Variants in MACROD2 observed in about 807,000 individuals in gnomAD.
MACROD2 encodes ADP-ribose glycohydrolase MACROD2.
In MACROD2, 36 loss-of-function variants were observed where a neutral mutation model predicts 70.4. That is an observed-to-expected ratio of 0.51 (90% CI 0.39 to 0.68). MACROD2 has a LOEUF of 0.68. MACROD2 is among the 30% of genes least tolerant of loss of function. The probability of loss-of-function intolerance (pLI) is 0.00; values close to 1 mark genes in which losing one functional copy is unlikely to be tolerated. For synonymous variants in MACROD2, 172 were observed against 178.8 expected, an observed-to-expected ratio of 0.96 and a Z score of 0.30; for missense variants, 496 against 538.4, an observed-to-expected ratio of 0.92 and a Z score of 0.78.
chr20:15,958,575 C>T (rs775270196), intron 12 of MACROD2, among the ~76,000 whole-genome samples: 1 of 152,114 alleles, frequency 6.6e-6, no homozygotes, highest in Non-Finnish European at 1.5e-5. Flanking sequence ...TTCTGATGTG[C>T]AGCAGGTATA....
In MACROD2 at chr20:14,011,908, C is replaced by A. The variant is rs144414853; in HGVS notation, c.163+9504C>A. On this transcript the variant is annotated intron_variant, in intron 2 of 17. Transcript: ENST00000684519. Reference sequence around the variant, plus strand: ...ACAGTAGCTTTTTCTACTATTATTGCGACTTTTCTTTTTTTTTAAAGGCAG... The same window carrying A: ...ACAGTAGCTTTTTCTACTATTATTGAGACTTTTCTTTTTTTTTAAAGGCAG... Among the ~76,000 whole-genome samples the A allele has an allele frequency of 3.3e-4, 50 of 151,852 alleles. 1 individual carries two copies. Among genetic ancestry groups the A allele is most frequent in the African/African-American group, 7.5e-4 (31 of 41,422 alleles).
At chr20:14,399,328 T>A (rs963027939) in intron 3 of MACROD2, among the ~76,000 whole-genome samples, 2 of 152,166 alleles carry the variant, frequency 1.3e-5, no homozygotes, top group African/African-American at 4.8e-5. Flanking sequence ...TTATCTTTTT[T>A]AAAAAGACAT....
At chr20:15,564,079 C>T (rs938889606) in intron 8 of MACROD2, among the ~76,000 whole-genome samples, 4 of 152,156 alleles carry the variant, frequency 2.6e-5, no homozygotes, top group Non-Finnish European at 5.9e-5. Context: ...TTAATATCAA[C>T]AGTGTGTGAC....
At chr20:15,082,206 G>A (rs1259104579) in intron 5 of MACROD2, among the ~76,000 whole-genome samples, 1 of 152,118 alleles carries the variant, frequency 6.6e-6, no homozygotes, top group African/African-American at 2.4e-5. Context: ...CCAATTCAAG[G>A]TATCAGAATT....
At chr20:14,865,823 G>A (rs529853071) in intron 5 of MACROD2, among the ~76,000 whole-genome samples, 2 of 152,200 alleles carry the variant, frequency 1.3e-5, no homozygotes, top group South Asian at 4.1e-4. Flanking sequence ...GAGAATGCAA[G>A]CCTAGGTTCT....
At chr20:14,310,285 G>C (rs999041899) in intron 3 of MACROD2, among the ~76,000 whole-genome samples, 1 of 152,120 alleles carries the variant, frequency 6.6e-6, no homozygotes, top group African/African-American at 2.4e-5. Context: ...CAGACCTCTT[G>C]ATTAACAGGA....
chr20:15,014,879 TA>T (rs1198731013), intron 5 of MACROD2, among the ~76,000 whole-genome samples: 1 of 152,154 alleles, frequency 6.6e-6, no homozygotes, highest in African/African-American at 2.4e-5. Context: ...ATGTTGTCCA[TA>T]AGCTTTTTTT....
In MACROD2 at chr20:14,566,086, A is replaced by G. The variant is rs6110332; in HGVS notation, c.301+72578A>G. On this transcript the variant is annotated intron_variant, in intron 4 of 17. Coordinates refer to ENST00000684519, the MANE Select transcript of MACROD2 (RefSeq NM_001351661.2). ...AAAAAATAGATAAATTGGATGACAA[A>G]TGATATACTGGGCAAATATTTGTAA... Among the ~76,000 whole-genome samples the G allele has an allele frequency of 1.3e-3, 203 of 152,120 alleles. 1 individual carries two copies. Among genetic ancestry groups the G allele is most frequent in the African/African-American group, 4.5e-3 (187 of 41,550 alleles).
At chr20:14,518,690 A>C (rs2085130802) in intron 4 of MACROD2, among the ~76,000 whole-genome samples, 1 of 152,220 alleles carries the variant, frequency 6.6e-6, no homozygotes, top group Non-Finnish European at 1.5e-5. Flanking sequence ...AGAAAAAGTC[A>C]AGAAGGAAAG....
intron 6 of MACROD2, among the ~76,000 whole-genome samples, chr20:15,318,765 C>T (rs1225817507): frequency 6.6e-6 from 1 of 152,052 alleles, no homozygotes; most frequent in East Asian, 1.9e-4. Context: ...CAATCCAAAA[C>T]CTTTCATGAG....
chr20:16,047,482 C>T (rs1031605364), intron 17 of MACROD2, among the ~76,000 whole-genome samples: 2 of 152,156 alleles, frequency 1.3e-5, no homozygotes, highest in African/African-American at 4.8e-5. Flanking sequence ...TCTGGAGAAA[C>T]ATGGCAGACT....
At chr20:14,381,628 T>A (rs1251970733) in intron 3 of MACROD2, among the ~76,000 whole-genome samples, 2 of 152,172 alleles carry the variant, frequency 1.3e-5, no homozygotes, top group African/African-American at 4.8e-5. Context: ...AGGAAGATAG[T>A]AGTAGCAGTA....
chr20:14,360,033 T>C (rs2083206974), intron 3 of MACROD2, among the ~76,000 whole-genome samples: 2 of 151,450 alleles, frequency 1.3e-5, no homozygotes, highest in Admixed American at 6.6e-5. Context: ...ATCTTACTTA[T>C]ATGTGAAATC....
chr20:15,788,948 G>A (rs1331935263), intron 8 of MACROD2, among the ~76,000 whole-genome samples: 1 of 152,018 alleles, frequency 6.6e-6, no homozygotes. Context: ...TATTTATATT[G>A]GCTTGTGCTT....
intron 4 of MACROD2, among the ~76,000 whole-genome samples, chr20:14,517,912 T>C (rs1453893985): frequency 6.6e-6 from 1 of 152,242 alleles, no homozygotes; most frequent in Admixed American, 6.5e-5. Flanking sequence ...TGCTATTTGG[T>C]TATGATGTCT....
chr20:15,561,607 AT>A (rs200257530), intron 8 of MACROD2, among the ~76,000 whole-genome samples: 25 of 151,846 alleles, frequency 1.6e-4, no homozygotes, highest in African/African-American at 4.8e-4. Context: ...GTGAAAATCA[AT>A]TTTTTTTTAA....
intron 3 of MACROD2, among the ~76,000 whole-genome samples, chr20:14,357,356 AT>A (rs1236313886): frequency 6.6e-6 from 1 of 152,134 alleles, no homozygotes; most frequent in East Asian, 1.9e-4. Context: ...TCTTTTGAAT[AT>A]TTTCTGTATT....
At chr20:14,933,258 CATT>C (rs1312880608) in intron 5 of MACROD2, among the ~76,000 whole-genome samples, 2 of 152,102 alleles carry the variant, frequency 1.3e-5, no homozygotes, top group African/African-American at 4.8e-5. Context: ...AACACACTAT[CATT>C]ATCTGTGACA....
chr20:15,872,619 C>T (rs1193182328), intron 9 of MACROD2, among the ~76,000 whole-genome samples: 1 of 152,104 alleles, frequency 6.6e-6, no homozygotes, highest in East Asian at 1.9e-4. Context: ...TAGATATGTA[C>T]ACCAAGCATC....
Sources: allele counts gnomAD v4.1 joint callset (sites outside exome capture counted in the v4.1 genomes callset), GRCh38; gene constraint gnomAD v4.1.1; transcripts MANE v1.5; gene names NCBI Gene and HGNC (gene_info 2026-07-23, HGNC 2026-07-21).